HOOK3: variants seen among roughly 807,000 people sequenced by gnomAD.
HOOK3 encodes the protein protein Hook homolog 3.
Under a neutral mutation model 116.3 loss-of-function variants are expected in HOOK3, and 24 were observed. The ratio of observed to expected loss-of-function variants is 0.21; its 90% CI spans 0.15 to 0.29. HOOK3 has a LOEUF of 0.29. HOOK3 is among the 10% of genes least tolerant of loss of function. The pLI is 1.00. For missense variants in HOOK3, 632 were observed against 830.2 expected, an observed-to-expected ratio of 0.76 and a Z score of 2.93; for synonymous variants, 275 against 283.0, an observed-to-expected ratio of 0.97 and a Z score of 0.28.
At chr8:43,007,714 G>T in intron 17 of HOOK3, 133 bp from the exon 18 acceptor site, 2 of 434,220 alleles carry the variant, frequency 4.6e-6, no homozygotes, top group Non-Finnish European at 8.3e-6. Flanking sequence ...TTTGTGTTTT[G>T]TCTTTTCATA....
chr8:42,941,261 A>ACC (rs1808114866), intron 4 of HOOK3, among the ~76,000 whole-genome samples: 1 of 149,006 alleles, frequency 6.7e-6, no homozygotes, highest in Non-Finnish European at 1.5e-5. Flanking sequence ...CACACCTGTA[A>ACC]TCCCAGCACT....
intron 17 of HOOK3, among the ~76,000 whole-genome samples, chr8:43,003,832 T>C (rs536893938): frequency 6.6e-6 from 1 of 152,278 alleles, no homozygotes; most frequent in Admixed American, 6.5e-5. Flanking sequence ...TGTCATTCTT[T>C]TCTCTGTATG....
intron 6 of HOOK3, among the ~76,000 whole-genome samples, chr8:42,956,223 C>CGTGTGTGTGTGTGT (rs61448463): frequency 0.012 from 1,660 of 135,854 alleles, 10 homozygotes; most frequent in Non-Finnish European, 0.016. Flanking sequence ...AGGATTAGGG[C>CGTGTGTGTGTGTGT]GTGTGTGTGT....
At chr8:42,967,950 A>G in intron 10 of HOOK3, 63 bp from the exon 11 acceptor site, 1 of 923,906 alleles carries the variant, frequency 1.1e-6, no homozygotes, top group Non-Finnish European at 1.8e-6. Flanking sequence ...CCTTCTTAAC[A>G]CTGAAACAAC....
chr8:42,995,435 T>G (rs1306486705), intron 15 of HOOK3, among the ~76,000 whole-genome samples: 2 of 152,224 alleles, frequency 1.3e-5, no homozygotes, highest in Non-Finnish European at 2.9e-5. Context: ...TCTTCAAATT[T>G]TTTATTTCAA....
At chr8:42,946,092 T>A (rs1422691673) in intron 5 of HOOK3, among the ~76,000 whole-genome samples, 1 of 152,218 alleles carries the variant, frequency 6.6e-6, no homozygotes, top group Non-Finnish European at 1.5e-5. Context: ...TTTTCTCTTC[T>A]ATATTCAATT....
intron 1 of HOOK3, among the ~76,000 whole-genome samples, chr8:42,901,885 T>G (rs1460494690): frequency 1.3e-5 from 2 of 152,092 alleles, no homozygotes; most frequent in African/African-American, 2.4e-5. Context: ...ATTTTTGTAT[T>G]TTTTAGTAGA....
chr8:43,022,545 C>T lies in HOOK3; in HGVS notation c.*4047C>T, dbSNP rs148304725. 1.0e-3 allele frequency: 190 copies of T among 189,430 alleles called. No individual in the cohort carries two copies. The highest frequency in any genetic ancestry group is 4.3e-3 in the African/African-American group (184 of 42,928). 11.7% of individuals were successfully genotyped at this position (189,430 alleles called of 1,614,324 possible). On this transcript the variant is annotated 3_prime_UTR_variant, in exon 22 of 22. Transcript: ENST00000307602. ...AGTAAAGAACTAAAGAATATTAAAA[C>T]CTAGCATTTATGTTCCACAGTGTGT...
At chr8:42,945,043 A>G (rs1342541964) in intron 5 of HOOK3, among the ~76,000 whole-genome samples, 1 of 152,190 alleles carries the variant, frequency 6.6e-6, no homozygotes, top group African/African-American at 2.4e-5. Context: ...AGTGTGCATC[A>G]ACCCATGAAT....
At chr8:42,984,050 A>G (rs1809001875) in intron 14 of HOOK3, among the ~76,000 whole-genome samples, 1 of 152,172 alleles carries the variant, frequency 6.6e-6, no homozygotes, top group Admixed American at 6.5e-5. Flanking sequence ...AACAATTTGT[A>G]GTTGTTGGTT....
At chr8:42,949,444 A>G (rs1157312827) in intron 5 of HOOK3, 4 of 152,228 alleles carry the variant, frequency 2.6e-5, no homozygotes, top group Non-Finnish European at 5.9e-5. Flanking sequence ...AAGGAGTTCC[A>G]TCTGTAACTG....
intron 2 of HOOK3, among the ~76,000 whole-genome samples, chr8:42,910,333 T>G (rs570723101): frequency 9.9e-5 from 15 of 152,248 alleles, no homozygotes; most frequent in African/African-American, 3.1e-4. Context: ...TTTTCAGTCT[T>G]TCTTTCTTCC....
At chr8:42,902,896 C>G (rs1328391327) in intron 1 of HOOK3, among the ~76,000 whole-genome samples, 2 of 152,182 alleles carry the variant, frequency 1.3e-5, no homozygotes, top group Non-Finnish European at 2.9e-5. Flanking sequence ...AGACATAGTC[C>G]TCACTGCTGC....
At chr8:42,917,778 G>T (rs948411352) in intron 2 of HOOK3, among the ~76,000 whole-genome samples, 10 of 152,294 alleles carry the variant, frequency 6.6e-5, no homozygotes, top group Middle Eastern at 3.4e-3. Context: ...CTCATAAATG[G>T]ATATTTTTTA....
chr8:42,993,278 T>C (rs1449691391), intron 15 of HOOK3, among the ~76,000 whole-genome samples: 2 of 152,174 alleles, frequency 1.3e-5, no homozygotes, highest in African/African-American at 4.8e-5. Context: ...ATATATATAT[T>C]TTTAAGACAG....
chr8:43,010,038 C>G (rs1249237307), intron 18 of HOOK3, among the ~76,000 whole-genome samples: 2 of 150,540 alleles, frequency 1.3e-5, no homozygotes, highest in Non-Finnish European at 3.0e-5. Flanking sequence ...ATTCATCCCT[C>G]ATGGATTCTT....
At chr8:43,005,114 G>A (rs576346140) in intron 17 of HOOK3, among the ~76,000 whole-genome samples, 3 of 148,938 alleles carry the variant, frequency 2.0e-5, no homozygotes, top group Non-Finnish European at 3.0e-5. Context: ...AGTGTTTAGT[G>A]AAAGATGCAA....
intron 1 of HOOK3, among the ~76,000 whole-genome samples, chr8:42,898,026 C>T (rs922616652): frequency 1.3e-5 from 2 of 152,322 alleles, no homozygotes; most frequent in African/African-American, 4.8e-5. Flanking sequence ...TAAATGTTTA[C>T]GGATGTGTTT....
intron 1 of HOOK3, among the ~76,000 whole-genome samples, chr8:42,900,120 A>G (rs953366808): frequency 5.9e-5 from 9 of 152,180 alleles, no homozygotes; most frequent in African/African-American, 1.9e-4. Flanking sequence ...ATATGTTCCA[A>G]ATTTTTTCGA....
Sources: allele counts gnomAD v4.1 joint callset (sites outside exome capture counted in the v4.1 genomes callset), GRCh38; gene constraint gnomAD v4.1.1; transcripts MANE v1.5; gene names NCBI Gene and HGNC (gene_info 2026-07-23, HGNC 2026-07-21).